VCP: variants seen among roughly 807,000 people sequenced by gnomAD.
VCP encodes the protein transitional endoplasmic reticulum ATPase.
VCP carries 6 observed loss-of-function variants against 85.7 expected under a neutral mutation model. The ratio of observed to expected loss-of-function variants is 0.07; its 90% CI spans 0.04 to 0.14. The LOEUF (loss-of-function observed/expected upper bound fraction) is 0.14, where lower values mean the gene tolerates loss of function less well. VCP is among the 10% of genes least tolerant of loss of function. VCP has a pLI of 1.00. For missense variants in VCP, 353 were observed against 1,043.4 expected (o/e 0.34, Z 9.12); for synonymous variants, 384 against 367.1 (o/e 1.05, Z -0.53).
rs941014724 is a variant in VCP, at chr9:35,068,240, C to G, written c.129+11G>C. ...GCAGTAAGGAAAGACTAGTCTGTGG[C>G]CACAGCTTACCTGGGACAAGGACAC... On this transcript the variant is annotated intron_variant, in intron 2 of 16. Coordinates refer to ENST00000358901, the MANE Select transcript of VCP (RefSeq NM_007126.5). 1 of 1,613,402 alleles carries G rather than the reference C, an allele frequency of 6.2e-7. No individual in the cohort carries two copies. The highest frequency in any genetic ancestry group is 8.5e-7 in the Non-Finnish European group (1 of 1,179,408).
chr9:35,057,767 G>A, intron 15 of VCP: 1 of 588,846 alleles, frequency 1.7e-6, no homozygotes, highest in South Asian at 1.9e-5. Flanking sequence ...GCTTAAGGAG[G>A]GGAGATGTTG....
At chr9:35,060,675 T>A (rs1828704024) in intron 12 of VCP, 126 bp downstream of exon 12, 5 of 1,576,836 alleles carry the variant, frequency 3.2e-6, no homozygotes, top group South Asian at 2.2e-5. Flanking sequence ...GCCTCAAACC[T>A]AAGAACAGTA....
Position 35,066,639 on chromosome 9 carries a change from CA to C in VCP, c.445+35del, listed in dbSNP as rs750419733. 8.1e-6 allele frequency: 13 copies of C among 1,610,274 alleles called. No individual in the cohort carries two copies. The South Asian group carries it at 1.4e-4, about 18-fold the overall frequency. On this transcript the variant is annotated intron_variant, in intron 4 of 16. Coordinates refer to ENST00000358901, the MANE Select transcript of VCP (RefSeq NM_007126.5). ...AAGATGTTCCAAGGTTTATTCCCTA[CA>C]GTCAATAATCCTTAAGCTCAGAATT... is the stretch of plus-strand genomic sequence containing the variant.
intron 5 of VCP, among the ~76,000 whole-genome samples, chr9:35,065,028 T>C (rs1362298929): frequency 6.6e-6 from 1 of 152,134 alleles, no homozygotes; most frequent in Non-Finnish European, 1.5e-5. Context: ...CCACCATGCC[T>C]GGCTAATTTT....
chr9:35,072,204 C>T (rs1828969049), intron 1 of VCP, 133 bp downstream of exon 1: 1 of 1,442,076 alleles, frequency 6.9e-7, no homozygotes, highest in Non-Finnish European at 9.2e-7. Context: ...CTCACTCGCC[C>T]CCTAGCTTCC....
chr9:35,060,990 C>T, intron 11 of VCP, 25 bp downstream of exon 11: 1 of 1,614,106 alleles, frequency 6.2e-7, no homozygotes, highest in Non-Finnish European at 8.5e-7. Context: ...TATGTGTGTA[C>T]CTGAGGCACG....
chr9:35,060,645 C>T, intron 12 of VCP, 120 bp from the exon 13 acceptor site: 2 of 1,525,668 alleles, frequency 1.3e-6, no homozygotes, highest in Non-Finnish European at 1.8e-6. Context: ...TCCAGGTTCT[C>T]TAGAAGAAGA....
rs1158707270 is a variant in VCP at position 35,057,236 on chromosome 9, C to G, written c.2316-14G>C. The G allele has an allele frequency of 3.1e-6, 5 of 1,614,202 alleles. No individual in the cohort carries two copies. In the African/African-American group the frequency reaches 5.3e-5, roughly 17 times the overall value. ...CCTGAAGGGAATCTGTGTACAAGAG[C>G]AAAGCCAAAAAAGAGGGTTAGGACA... On this transcript the variant is annotated splice_polypyrimidine_tract_variant and intron_variant, in intron 16 of 16. Transcript: ENST00000358901.
intron 13 of VCP, 138 bp downstream of exon 13, chr9:35,060,175 C>G: frequency 1.0e-6 from 1 of 953,654 alleles, no homozygotes. Context: ...GTCTCTCAGA[C>G]CTCAGAAAGA....
rs1014455703 is a variant in VCP, at chr9:35,066,769, C to A, written c.351G>T (p.Leu117=). Residue 117 remains leucine, a synonymous_variant, in exon 4 of 17, where the codon CTG becomes CTT. Coordinates refer to ENST00000358901, the MANE Select transcript of VCP (RefSeq NM_007126.5). The part of the protein sequence containing the change: ...DVKYGKRIHV[L]PIDDTVEGIT... ...TGCCTTCCACTGTGTCATCAATGGGCAGCACATGGATACGTTTGCCGTACT... is the reference window on the plus strand; with the variant it reads ...TGCCTTCCACTGTGTCATCAATGGGAAGCACATGGATACGTTTGCCGTACT... 5.0e-6 allele frequency: 8 copies of A among 1,613,998 alleles called. No homozygotes were observed. The highest frequency in any genetic ancestry group is 3.3e-5 in the Admixed American group (2 of 59,990).
chr9:35,069,017 C>A (rs1828887725), intron 1 of VCP, among the ~76,000 whole-genome samples: 2 of 152,062 alleles, frequency 1.3e-5, no homozygotes, highest in Admixed American at 1.3e-4. Context: ...CTCAGGGAGG[C>A]CTTAAGTTCT....
chr9:35,059,214 C>T lies in VCP; in HGVS notation c.2010G>A (p.Val670=). Residue 670 remains valine, a synonymous_variant, in exon 15 of 17, where the codon GTG becomes GTA. Transcript: ENST00000358901. This position sits in a 1 kb window ranked among gnomAD's most constrained non-coding sequence, Gnocchi z 4.9. The stretch of plus-strand genomic sequence containing the variant: ...TCATTTTAGCCAGGAACTCCAAGTC[C>T]ACATCCTAAAAGCAGCAGCAGAGGT... The part of the protein sequence containing the change: ...NLRKSPVAKD[V]DLEFLAKMTN... 2.5e-6 allele frequency: 4 copies of T among 1,614,150 alleles called. No homozygotes were observed. Among genetic ancestry groups the T allele is most frequent in the Non-Finnish European group, 2.5e-6 (3 of 1,180,038 alleles).
chr9:35,070,207 A>C (rs495417), intron 1 of VCP, among the ~76,000 whole-genome samples: 6 of 152,130 alleles, frequency 3.9e-5, no homozygotes, highest in Non-Finnish European at 2.9e-5. Flanking sequence ...CCCCATTCCA[A>C]AAGTCTGCCA....
At chr9:35,072,197 A>C (rs1278155754) in intron 1 of VCP, 140 bp downstream of exon 1, 1 of 1,428,402 alleles carries the variant, frequency 7.0e-7, no homozygotes, top group African/African-American at 1.5e-5. Flanking sequence ...ACGGCCCCTC[A>C]CTCGCCCCCT....
Position 35,064,551 on chromosome 9 carries a change from A to G in VCP, c.577-266T>C, listed in dbSNP as rs180782795. On this transcript the variant is annotated intron_variant, in intron 5 of 16. Transcript: ENST00000358901. Reference sequence around the variant, plus strand: ...AAATTTAAAAAAGATTCTCCTCTAAAGGGATCCGGCCTCAAAGAACAACTA... The same window carrying G: ...AAATTTAAAAAAGATTCTCCTCTAAGGGGATCCGGCCTCAAAGAACAACTA... 3.0e-3 allele frequency among the ~76,000 whole-genome samples: 461 copies of G among 152,288 alleles called. 1 individual carries two copies. The highest frequency in any genetic ancestry group is 0.011 in the African/African-American group (439 of 41,554).
intron 7 of VCP, among the ~76,000 whole-genome samples, chr9:35,062,719 C>A (rs536743275): frequency 6.6e-6 from 1 of 152,274 alleles, no homozygotes; most frequent in East Asian, 1.9e-4. Context: ...AACCATTCAC[C>A]CTTTGATTTC....
At position 35,072,514 on chromosome 9, in the gene VCP, G is replaced by C. The variant is rs1324710846; in HGVS notation, c.-161C>G. The stretch of plus-strand genomic sequence containing the variant: ...TCCCTCTCGCTTCCTCCCACCGGCA[G>C]CGAGGCGTCGGGCGAACAACGCTGG... On this transcript the variant is annotated 5_prime_UTR_variant, in exon 1 of 17. Coordinates refer to ENST00000358901, the MANE Select transcript of VCP (RefSeq NM_007126.5). 1 of 925,148 alleles carries C rather than the reference G, an allele frequency of 1.1e-6. No homozygotes were observed. 57.3% of individuals were successfully genotyped at this position (925,148 alleles called of 1,614,324 possible).
At chr9:35,068,152 C>G in intron 2 of VCP, 89 bp from the exon 3 acceptor site, 1 of 1,606,180 alleles carries the variant, frequency 6.2e-7, no homozygotes, top group Non-Finnish European at 8.5e-7. Flanking sequence ...GTAAACCCCA[C>G]TCTATCTGCA....
rs1828967916 is a variant in VCP, at chr9:35,072,182, G to A, written c.17+155C>T. 2.8e-6 allele frequency: 4 copies of A among 1,418,746 alleles called. No individual in the cohort carries two copies. In the South Asian group the frequency reaches 4.0e-5, roughly 14 times the overall value. 87.9% of individuals were successfully genotyped at this position (1,418,746 alleles called of 1,614,324 possible). On this transcript the variant is annotated intron_variant, in intron 1 of 16. Transcript: ENST00000358901. ...CAGCTGGCCCCAGCCGGGCCTGCCGGGTCCACGGCCCCTCACTCGCCCCCT... is the reference window on the plus strand; with the variant it reads ...CAGCTGGCCCCAGCCGGGCCTGCCGAGTCCACGGCCCCTCACTCGCCCCCT...
Sources: gnomAD v4.1 joint callset for allele counts (sites outside exome capture counted in the v4.1 genomes callset) on GRCh38, gnomAD v4.1.1 for gene constraint, Gnocchi (gnomAD v3.1) non-coding constraint, MANE v1.5 for transcripts, NCBI Gene and HGNC (gene_info 2026-07-23, HGNC 2026-07-21) for gene names.